The following RGS3 variants were observed in gnomAD, a reference collection of about 807,000 sequenced individuals.
The protein encoded by RGS3 is regulator of G-protein signalling 3.
Under a neutral mutation model 132.6 loss-of-function variants are expected in RGS3, and 80 were observed. The ratio of observed to expected loss-of-function variants is 0.60; its 90% CI spans 0.50 to 0.73. The LOEUF (loss-of-function observed/expected upper bound fraction) is 0.73, where lower values mean the gene tolerates loss of function less well. Ranked by LOEUF, RGS3 falls within the 30% of genes least tolerant of loss-of-function variation. The pLI is 0.00. For missense variants in RGS3, 1,382 were observed against 1,530.8 expected (o/e 0.90, Z 1.62); for synonymous variants, 598 against 620.6 (o/e 0.96, Z 0.54).
chr9:113,490,491 TTC>T, intron 7 of RGS3, among the ~76,000 whole-genome samples: 1 of 151,856 alleles, frequency 6.6e-6, no homozygotes, highest in Middle Eastern at 3.4e-3. Context: ...GCTTTAAAAA[TTC>T]TGTTTGATAA....
At chr9:113,490,138 C>G (rs1830462159) in intron 7 of RGS3, among the ~76,000 whole-genome samples, 1 of 152,204 alleles carries the variant, frequency 6.6e-6, no homozygotes, top group Non-Finnish European at 1.5e-5. Context: ...CCTCAATTTC[C>G]TTGTCTGTAA....
chr9:113,463,594 C>A lies in RGS3; in HGVS notation c.415+1393C>A. ...CGGGTCGGCGGCGCCGCCTCCCCCACCCCGGCCCAGCTCTGCTCCGGCAGG... is the reference window on the plus strand; with the variant it reads ...CGGGTCGGCGGCGCCGCCTCCCCCAACCCGGCCCAGCTCTGCTCCGGCAGG... On this transcript the variant is annotated intron_variant, in intron 3 of 24. Transcript: ENST00000350696. The surrounding 1 kb of genome is among the most constrained non-coding windows in gnomAD (Gnocchi z 4.6). 1 of 1,021,764 alleles carries A rather than the reference C, an allele frequency of 9.8e-7. No individual in the cohort carries two copies. Among genetic ancestry groups the A allele is most frequent in the African/African-American group, 1.7e-5 (1 of 58,084 alleles). The allele number at this position is 1,021,764 out of a possible 1,614,324, so 63.3% of individuals were successfully genotyped here. A position where few individuals can be genotyped will look rare whatever the true frequency, so the allele number is the denominator to read the frequency against.
chr9:113,544,860 A>G (rs936770113), intron 19 of RGS3, among the ~76,000 whole-genome samples: 13 of 152,240 alleles, frequency 8.5e-5, no homozygotes, highest in African/African-American at 1.7e-4. Context: ...AGAGAAATCA[A>G]TAATCTCCAG....
At chr9:113,531,494 C>G (rs1357582100) in intron 18 of RGS3, among the ~76,000 whole-genome samples, 1 of 152,160 alleles carries the variant, frequency 6.6e-6, no homozygotes, top group Non-Finnish European at 1.5e-5. Flanking sequence ...GCACTTAGCA[C>G]AGAGCCTGGC....
At chr9:113,576,253 T>C (rs1289962267) in intron 19 of RGS3, among the ~76,000 whole-genome samples, 2 of 151,766 alleles carry the variant, frequency 1.3e-5, no homozygotes, top group Non-Finnish European at 2.9e-5. Context: ...TATAAGCTCC[T>C]GGGTGATGCT....
intron 22 of RGS3, 55 bp from the exon 21 acceptor site, chr9:113,594,864 C>A: frequency 6.4e-7 from 1 of 1,561,570 alleles, no homozygotes; most frequent in Non-Finnish European, 8.8e-7. Context: ...CCAGCTTCCC[C>A]CAAGGTTCCC....
chr9:113,508,172 G>T (rs779689142), intron 13 of RGS3, among the ~76,000 whole-genome samples: 2 of 152,186 alleles, frequency 1.3e-5, no homozygotes, highest in Admixed American at 6.5e-5. Flanking sequence ...ACTACAGCAG[G>T]TGTCAACCAA....
chr9:113,557,316 G>C (rs770893045), intron 19 of RGS3, among the ~76,000 whole-genome samples: 1 of 152,234 alleles, frequency 6.6e-6, no homozygotes, highest in Non-Finnish European at 1.5e-5. Flanking sequence ...TAGCAGTGCT[G>C]CTGCCAGAAG....
intron 4 of RGS3, among the ~76,000 whole-genome samples, chr9:113,480,922 T>C (rs1830140083): frequency 6.6e-6 from 1 of 152,244 alleles, no homozygotes; most frequent in Non-Finnish European, 1.5e-5. Flanking sequence ...CTCTCCAGCC[T>C]CCCTGGCTCT....
At chr9:113,481,427 A>C (rs1264641325) in intron 4 of RGS3, among the ~76,000 whole-genome samples, 2 of 152,222 alleles carry the variant, frequency 1.3e-5, no homozygotes, top group African/African-American at 4.8e-5. Flanking sequence ...ACACAGGAAC[A>C]GTAACCAGGA....
rs906882573 is a variant in RGS3 at position 113,507,965 on chromosome 9, G to A, written c.1437+327G>A. Among the ~76,000 whole-genome samples, 1 of 152,202 alleles carries A rather than the reference G, an allele frequency of 6.6e-6. No homozygotes were observed. Among genetic ancestry groups the A allele is most frequent in the Non-Finnish European group, 1.5e-5 (1 of 68,036 alleles). ...TGGTAGGTGGTGAGCCCCCATCATA[G>A]GAGGTATGAAAGCAGACACTGCATG... On this transcript the variant is annotated intron_variant, in intron 13 of 24. Coordinates refer to ENST00000350696, the Ensembl canonical transcript of RGS3. The surrounding 1 kb of genome is among the most constrained non-coding windows in gnomAD (Gnocchi z 5.0).
chr9:113,503,873 C>A (rs1291928601), intron 10 of RGS3, among the ~76,000 whole-genome samples: 1 of 152,230 alleles, frequency 6.6e-6, no homozygotes, highest in Non-Finnish European at 1.5e-5. Flanking sequence ...TTTCCCCCAG[C>A]TTTCCACACT....
intron 6 of RGS3, among the ~76,000 whole-genome samples, chr9:113,484,436 C>G (rs527256061): frequency 6.6e-6 from 1 of 152,010 alleles, no homozygotes; most frequent in Non-Finnish European, 1.5e-5. Flanking sequence ...CCAGGCCCAG[C>G]AGCGAGGTCC....
chr9:113,555,981 G>C (rs927214719), intron 19 of RGS3, among the ~76,000 whole-genome samples: 1 of 152,170 alleles, frequency 6.6e-6, no homozygotes, highest in Non-Finnish European at 1.5e-5. Flanking sequence ...GAAAGGGTCT[G>C]TGGGTGGTAT....
At chr9:113,542,168 A>AG (rs1832931462) in intron 19 of RGS3, 1 of 151,752 alleles carries the variant, frequency 6.6e-6, no homozygotes, top group South Asian at 2.1e-4. Flanking sequence ...TGGGCTGGAG[A>AG]GGAAGGAGCC....
Position 113,462,179 on chromosome 9 carries a change from G to C in RGS3, c.393G>C (p.Thr131=), listed in dbSNP as rs745805685. Residue 131 remains threonine (T), a synonymous_variant, in exon 3 of 25, where the codon ACG becomes ACC. Transcript: ENST00000350696. ...CTTCTCCAGCCAGGAAGAGGATCAC[G>C]CATGCCAAAGTCCAGGGTGCAGGTA... 5 of 1,613,842 alleles carry C rather than the reference G, an allele frequency of 3.1e-6. No homozygotes were observed. In the African/African-American group the frequency reaches 4.0e-5, roughly 13 times the overall value.
rs1831199433 is a variant in RGS3 at position 113,507,712 on chromosome 9, A to G, written c.1437+74A>G. 2 of 1,235,028 alleles carry G rather than the reference A, an allele frequency of 1.6e-6. No individual in the cohort carries two copies. The highest frequency in any genetic ancestry group is 2.2e-6 in the Non-Finnish European group (2 of 916,042). The allele number at this position is 1,235,028 out of a possible 1,614,324, so 76.5% of individuals were successfully genotyped here. A position where few individuals can be genotyped will look rare whatever the true frequency, so the allele number is the denominator to read the frequency against. ...GAGGCCAGGAAGACTTGAAGACCCAAAGTTGTGTGATGAGCAGCCTGTGAG... is the reference window on the plus strand; with the variant it reads ...GAGGCCAGGAAGACTTGAAGACCCAGAGTTGTGTGATGAGCAGCCTGTGAG... On this transcript the variant is annotated intron_variant, in intron 13 of 24. Transcript: ENST00000350696. The surrounding 1 kb of genome is among the most constrained non-coding windows in gnomAD (Gnocchi z 5.0).
rs1399165406 is a variant in RGS3 at position 113,507,585 on chromosome 9, G to A, written c.1384G>A (p.Ala462Thr). 9 of 1,521,608 alleles carry A rather than the reference G, an allele frequency of 5.9e-6. No homozygotes were observed. The highest frequency in any genetic ancestry group is 8.0e-6 in the Non-Finnish European group (9 of 1,131,550). The allele number at this position is 1,521,608 out of a possible 1,614,324, so 94.3% of individuals were successfully genotyped here. A position where few individuals can be genotyped will look rare whatever the true frequency, so the allele number is the denominator to read the frequency against. ...CCTGCCTGCACTGTCCCGTGCCACTGCCCCCACCGACCCCAACTACATCAT... is the reference window on the plus strand; with the variant it reads ...CCTGCCTGCACTGTCCCGTGCCACTACCCCCACCGACCCCAACTACATCAT... Residue 462 changes from alanine (A) to threonine (T), a missense_variant, in exon 13 of 25, where the codon GCC becomes ACC. Coordinates refer to ENST00000350696, the Ensembl canonical transcript of RGS3. The surrounding 1 kb of genome is among the most constrained non-coding windows in gnomAD (Gnocchi z 5.0).
At chr9:113,482,972 T>C in intron 4 of RGS3, 87 bp from the exon 3 acceptor site, 2 of 1,606,832 alleles carry the variant, frequency 1.2e-6, no homozygotes, top group Non-Finnish European at 1.7e-6. Flanking sequence ...TTCGTGTGGA[T>C]GGATATGTCT....
Sources: gnomAD v4.1 joint callset for allele counts (sites outside exome capture counted in the v4.1 genomes callset) on GRCh38, gnomAD v4.1.1 for gene constraint, Gnocchi (gnomAD v3.1) non-coding constraint, MANE v1.5 for transcripts, NCBI Gene and HGNC (gene_info 2026-07-23, HGNC 2026-07-21) for gene names.